FNDC1: variants seen among roughly 807,000 people sequenced by gnomAD.
FNDC1 encodes the protein fibronectin type III domain containing 1.
FNDC1 carries 96 observed loss-of-function variants against 168.0 expected under a neutral mutation model. That is an observed-to-expected ratio of 0.57 (90% CI 0.48 to 0.68). FNDC1 has a LOEUF of 0.68. FNDC1 is among the 30% of genes least tolerant of loss of function. The pLI, the probability that FNDC1 is intolerant of heterozygous loss-of-function variation, is 0.00. For synonymous variants in FNDC1, 1,099 were observed against 1,025.9 expected, an observed-to-expected ratio of 1.07 and a Z score of -1.36; for missense variants, 2,587 against 2,482.1, an observed-to-expected ratio of 1.04 and a Z score of -0.90.
intron 22 of FNDC1, among the ~76,000 whole-genome samples, chr6:159,270,713 G>C (rs921468927): frequency 1.3e-5 from 2 of 152,258 alleles, no homozygotes; most frequent in East Asian, 3.9e-4. Context: ...TTTTTTTTGA[G>C]AGATTTCCTT....
chr6:159,265,119 T>C (rs1318693992), intron 20 of FNDC1, 115 bp downstream of exon 20: 3 of 842,514 alleles, frequency 3.6e-6, no homozygotes, highest in African/African-American at 3.4e-5. Context: ...CAATTTTCTG[T>C]CAACTTCTAT....
Position 159,223,610 on chromosome 6 carries a change from T to C in FNDC1, c.849T>C (p.Pro283=). 6.2e-7 allele frequency: 1 copy of C among 1,613,396 alleles called. No homozygotes were observed. Among genetic ancestry groups the C allele is most frequent in the East Asian group, 2.2e-5 (1 of 44,838 alleles). The change falls in exon 7 of 23, where the codon CCT becomes CCC. Residue 283 remains proline, a synonymous_variant. Coordinates refer to ENST00000297267, the MANE Select transcript of FNDC1 (RefSeq NM_032532.3). The part of the protein sequence containing the change: ...SQSVLVSWVD[P]VLEKQKKVVA... The stretch of plus-strand genomic sequence containing the variant: ...CTGTGCTTGTGTCCTGGGTGGATCC[T>C]GTTCTGGAAAAACAGAAGAAAGTTG...
chr6:159,218,893 C>T (rs1409321603), intron 5 of FNDC1, among the ~76,000 whole-genome samples: 1 of 152,008 alleles, frequency 6.6e-6, no homozygotes, highest in Admixed American at 6.5e-5. Context: ...CTACAAGTCA[C>T]CAAGGAGCTG....
rs1783379515 is a variant in FNDC1 at position 159,239,912 on chromosome 6, C to T, written c.4576C>T (p.Leu1526=). ...GGAACGGCACGACGATGATGGCAACCTGATAATGAGCTCCAATGGGATCCC... is the reference window on the plus strand; with the variant it reads ...GGAACGGCACGACGATGATGGCAACTTGATAATGAGCTCCAATGGGATCCC... ...TLERHDDDGN[L]IMSSNGIPEC... The change falls in exon 14 of 23, where the codon CTG becomes TTG. Residue 1526 remains leucine, a synonymous_variant. Transcript: ENST00000297267. The T allele has an allele frequency of 6.6e-7, 1 of 1,520,090 alleles. No individual in the cohort carries two copies. Among genetic ancestry groups the T allele is most frequent in the African/African-American group, 1.4e-5 (1 of 72,258 alleles). The allele number at this position is 1,520,090 out of a possible 1,614,324, so 94.2% of individuals were successfully genotyped here. A position where few individuals can be genotyped will look rare whatever the true frequency, so the allele number is the denominator to read the frequency against.
intron 5 of FNDC1, among the ~76,000 whole-genome samples, chr6:159,215,546 C>T (rs144407436): frequency 5.3e-5 from 8 of 152,230 alleles, no homozygotes; most frequent in African/African-American, 1.4e-4. Context: ...ACATGGTAGC[C>T]GAGTGAAACT....
chr6:159,206,590 C>T (rs552931207), intron 4 of FNDC1, among the ~76,000 whole-genome samples: 6 of 152,294 alleles, frequency 3.9e-5, no homozygotes, highest in East Asian at 1.9e-4. Context: ...GGGGCTTGGA[C>T]GTTGCAGAGG....
chr6:159,200,352 A>G (rs1782350370), intron 3 of FNDC1, among the ~76,000 whole-genome samples, 161 bp from the exon 4 acceptor site: 1 of 152,206 alleles, frequency 6.6e-6, no homozygotes, highest in African/African-American at 2.4e-5. Context: ...TAAAATATGT[A>G]TTGTCCGTAA....
Position 159,213,699 on chromosome 6 carries a change from A to G in FNDC1, c.461-1246A>G, listed in dbSNP as rs564934902. On this transcript the variant is annotated intron_variant, in intron 4 of 22. Coordinates refer to ENST00000297267, the MANE Select transcript of FNDC1 (RefSeq NM_032532.3). ...TACTGGACTATACTTTTGGACTAAAAACAAAAAAAAAAAAACCTTTAAAAC... is the reference window on the plus strand; with the variant it reads ...TACTGGACTATACTTTTGGACTAAAGACAAAAAAAAAAAAACCTTTAAAAC... Among the ~76,000 whole-genome samples, 4 of 113,570 alleles carry G rather than the reference A, an allele frequency of 3.5e-5. No individual in the cohort carries two copies. The East Asian group carries it at 1.4e-3, about 40-fold the overall frequency. 74.5% of individuals were successfully genotyped at this position (113,570 alleles called of 152,430 possible).
At chr6:159,226,296 T>G (rs1469457633) in intron 8 of FNDC1, among the ~76,000 whole-genome samples, 177 bp from the exon 9 acceptor site, 1 of 152,206 alleles carries the variant, frequency 6.6e-6, no homozygotes, top group East Asian at 1.9e-4. Context: ...ACTGTTGTAG[T>G]GACATAAATC....
At chr6:159,241,839 A>G (rs1583904605) in intron 14 of FNDC1, among the ~76,000 whole-genome samples, 1 of 152,306 alleles carries the variant, frequency 6.6e-6, no homozygotes, top group South Asian at 2.1e-4. Context: ...TTGGGATAAG[A>G]ATACATTCAC....
intron 1 of FNDC1, among the ~76,000 whole-genome samples, chr6:159,187,855 T>C (rs567323129): frequency 6.6e-6 from 1 of 152,378 alleles, no homozygotes; most frequent in African/African-American, 2.4e-5. Flanking sequence ...TGTGCTGTCC[T>C]GTATCGTATG....
intron 1 of FNDC1, among the ~76,000 whole-genome samples, chr6:159,188,778 C>T (rs2114934335): frequency 6.9e-6 from 1 of 145,404 alleles, no homozygotes; most frequent in Non-Finnish European, 1.5e-5. Context: ...GATGGAGTCT[C>T]ACTCTGTCAT....
chr6:159,258,544 T>G (rs1388845754), intron 18 of FNDC1, among the ~76,000 whole-genome samples: 1 of 152,006 alleles, frequency 6.6e-6, no homozygotes. Context: ...GGAGGCCGAT[T>G]GGGAGGAAGG....
At chr6:159,235,745 T>TG (rs1293717821) in intron 11 of FNDC1, among the ~76,000 whole-genome samples, 1 of 152,182 alleles carries the variant, frequency 6.6e-6, no homozygotes, top group Non-Finnish European at 1.5e-5. Context: ...GAGACAGCAT[T>TG]GTGCTTTTAT....
Position 159,214,150 on chromosome 6 carries a change from A to G in FNDC1, c.461-795A>G, listed in dbSNP as rs138802438. ...CCAAATGAGGGCTTACAATGTGGTTAGTGGCATATTCTAAAAGAGGGCAAG... is the reference window on the plus strand; with the variant it reads ...CCAAATGAGGGCTTACAATGTGGTTGGTGGCATATTCTAAAAGAGGGCAAG... On this transcript the variant is annotated intron_variant, in intron 4 of 22. Coordinates refer to ENST00000297267, the MANE Select transcript of FNDC1 (RefSeq NM_032532.3). 2.6e-5 allele frequency among the ~76,000 whole-genome samples: 4 copies of G among 152,370 alleles called. No homozygotes were observed. The East Asian group carries it at 7.7e-4, about 29-fold the overall frequency.
chr6:159,227,629 G>T (rs2245986), intron 9 of FNDC1, among the ~76,000 whole-genome samples: 2 of 146,452 alleles, frequency 1.4e-5, no homozygotes, highest in South Asian at 2.1e-4. Flanking sequence ...AGAATAGATT[G>T]TACTATTCTT....
At chr6:159,263,067 G>C (rs961198648) in intron 19 of FNDC1, among the ~76,000 whole-genome samples, 1 of 152,230 alleles carries the variant, frequency 6.6e-6, no homozygotes, top group South Asian at 2.1e-4. Flanking sequence ...TGTGACACAG[G>C]CTGTGCCATG....
At chr6:159,210,709 A>G (rs1437069363) in intron 4 of FNDC1, among the ~76,000 whole-genome samples, 2 of 152,120 alleles carry the variant, frequency 1.3e-5, no homozygotes, top group African/African-American at 2.4e-5. Context: ...GAGCTCACCA[A>G]CTTTGGAGAT....
At chr6:159,184,787 C>T (rs113545829) in intron 1 of FNDC1, among the ~76,000 whole-genome samples, 157 of 152,208 alleles carry the variant, frequency 1.0e-3, no homozygotes, top group African/African-American at 3.8e-3. Flanking sequence ...CTGAGACTAG[C>T]TGGACTAGCA....
Sources: allele counts gnomAD v4.1 joint callset (sites outside exome capture counted in the v4.1 genomes callset), GRCh38; gene constraint gnomAD v4.1.1; transcripts MANE v1.5; gene names NCBI Gene and HGNC (gene_info 2026-07-23, HGNC 2026-07-21).